The following CDH23 variants were observed in gnomAD, a reference collection of about 807,000 sequenced individuals.
CDH23 encodes the protein cadherin related 23, also known as cadherin-23.
CDH23 carries 189 observed loss-of-function variants against 317.1 expected under a neutral mutation model. The observed-to-expected ratio is 0.60, with a 90% CI of 0.53 to 0.67. The LOEUF is 0.67. CDH23 is among the 30% of genes least tolerant of loss of function. The pLI is 0.00. For missense variants in CDH23, 4,401 were observed against 4,592.4 expected (o/e 0.96, Z 1.20); for synonymous variants, 1,839 against 1,876.8 (o/e 0.98, Z 0.52).
intron 11 of CDH23, among the ~76,000 whole-genome samples, chr10:71,634,467 T>A (rs1191686989): frequency 6.6e-6 from 1 of 152,198 alleles, no homozygotes; most frequent in African/African-American, 2.4e-5. Flanking sequence ...GTGATGAGGT[T>A]CAAATTAGCA....
chr10:71,562,352 G>A (rs998915612), intron 6 of CDH23, among the ~76,000 whole-genome samples: 2 of 152,200 alleles, frequency 1.3e-5, no homozygotes, highest in Non-Finnish European at 2.9e-5. Context: ...ACGTTAATAG[G>A]AGTGTCTGGA....
intron 14 of CDH23, among the ~76,000 whole-genome samples, chr10:71,658,880 A>G (rs1401630110): frequency 1.3e-5 from 2 of 152,182 alleles, no homozygotes; most frequent in African/African-American, 2.4e-5. Context: ...TCCAAAGTCC[A>G]GGGAAAGTGG....
At chr10:71,757,929 C>G (rs1453165965) in intron 38 of CDH23, among the ~76,000 whole-genome samples, 10 of 152,180 alleles carry the variant, frequency 6.6e-5, no homozygotes, top group Admixed American at 5.9e-4. Context: ...AATGCAGGAG[C>G]TCCTTGGGCA....
chr10:71,808,212 C>G (rs989871742), intron 60 of CDH23, among the ~76,000 whole-genome samples: 3 of 152,230 alleles, frequency 2.0e-5, no homozygotes, highest in African/African-American at 7.2e-5. Flanking sequence ...TACCCACCAG[C>G]CCTTTCTTTT....
chr10:71,709,369 G>A (rs908327201), intron 27 of CDH23, among the ~76,000 whole-genome samples, 158 bp downstream of exon 27: 2 of 152,330 alleles, frequency 1.3e-5, no homozygotes, highest in Admixed American at 1.3e-4. Flanking sequence ...AGCACTTGCC[G>A]GGCATGAGGC....
intron 17 of CDH23, among the ~76,000 whole-genome samples, chr10:71,680,080 C>T (rs1448543918): frequency 3.3e-5 from 5 of 152,266 alleles, no homozygotes; most frequent in Admixed American, 6.5e-5. Flanking sequence ...TGGTCTGGCC[C>T]TTGGTTGCCT....
At chr10:71,658,884 A>G (rs893827457) in intron 14 of CDH23, among the ~76,000 whole-genome samples, 1 of 152,154 alleles carries the variant, frequency 6.6e-6, no homozygotes, top group African/African-American at 2.4e-5. Flanking sequence ...AAGTCCAGGG[A>G]AAGTGGGCTT....
At chr10:71,442,664 C>G (rs116494249) in intron 2 of CDH23, among the ~76,000 whole-genome samples, 2,347 of 152,204 alleles carry the variant, frequency 0.015, 57 homozygotes, top group African/African-American at 0.054. Context: ...AGGCAGGAAG[C>G]GAAGGCCTGG....
intron 8 of CDH23, among the ~76,000 whole-genome samples, chr10:71,576,212 T>C (rs1858186495): frequency 1.3e-5 from 2 of 152,194 alleles, no homozygotes; most frequent in African/African-American, 4.8e-5. Flanking sequence ...GTCCCAGGCC[T>C]GGCCTAGCCC....
Position 71,797,321 on chromosome 10 carries a change from C to G in CDH23, c.6829+101C>G, listed in dbSNP as rs1375085793. ...TGGTCTGTCCCCAGGGAGGGAGCAACAAGACCCAGTTGCTCTGGGGGCCAG... is the reference window on the plus strand; with the variant it reads ...TGGTCTGTCCCCAGGGAGGGAGCAAGAAGACCCAGTTGCTCTGGGGGCCAG... On this transcript the variant is annotated intron_variant, in intron 49 of 69. Transcript: ENST00000224721. 12 of 788,046 alleles carry G rather than the reference C, an allele frequency of 1.5e-5. No homozygotes were observed. The African/African-American group carries it at 1.7e-4, about 11-fold the overall frequency. 48.8% of individuals were successfully genotyped at this position (788,046 alleles called of 1,614,324 possible).
intron 3 of CDH23, among the ~76,000 whole-genome samples, chr10:71,452,914 G>A (rs922304702): frequency 3.9e-5 from 6 of 152,152 alleles, no homozygotes; most frequent in African/African-American, 7.2e-5. Flanking sequence ...AACAAGCTGG[G>A]CCTCCATCTC....
At chr10:71,577,003 T>A (rs574281495) in intron 8 of CDH23, among the ~76,000 whole-genome samples, 13 of 152,302 alleles carry the variant, frequency 8.5e-5, no homozygotes, top group African/African-American at 3.1e-4. Flanking sequence ...CCTCTTCATG[T>A]TCTCTCCCTG....
chr10:71,602,948 C>T (rs1860314411), intron 9 of CDH23, among the ~76,000 whole-genome samples: 1 of 152,200 alleles, frequency 6.6e-6, no homozygotes, highest in South Asian at 2.1e-4. Context: ...ATGAGTTCTC[C>T]AGTCGGCTTC....
intron 12 of CDH23, chr10:71,645,536 A>G (rs1862799274): frequency 7.1e-6 from 4 of 563,120 alleles, no homozygotes; most frequent in African/African-American, 1.8e-5. Flanking sequence ...TGGGACAGAG[A>G]AAGGGAGCAG....
intron 1 of CDH23, among the ~76,000 whole-genome samples, chr10:71,405,667 A>G (rs1356669033): frequency 6.6e-6 from 1 of 152,078 alleles, no homozygotes; most frequent in African/African-American, 2.4e-5. Context: ...TGAACTCCTG[A>G]CCTCAGGTGA....
intron 9 of CDH23, among the ~76,000 whole-genome samples, 185 bp downstream of exon 9, chr10:71,578,177 G>A (rs924016399): frequency 1.1e-4 from 16 of 152,306 alleles, no homozygotes; most frequent in Admixed American, 2.0e-4. Flanking sequence ...AAGGCAGGAG[G>A]AACAGGGAGA....
chr10:71,708,948 A>C, intron 26 of CDH23, 150 bp from the exon 27 acceptor site: 1 of 718,546 alleles, frequency 1.4e-6, no homozygotes, highest in Non-Finnish European at 2.5e-6. Context: ...CTGCACCCGC[A>C]TCAGAGCACC....
intron 3 of CDH23, among the ~76,000 whole-genome samples, chr10:71,459,576 C>A (rs951375903): frequency 6.6e-6 from 1 of 152,144 alleles, no homozygotes; most frequent in Non-Finnish European, 1.5e-5. Context: ...TGGTTTGATG[C>A]GTTACTCTTC....
rs371090961 is a variant in CDH23, at chr10:71,793,497, G to A, written c.6569G>A (p.Gly2190Asp). ...AGCGTGCTGGAGTCGGCTGAGCCAG[G>A]CACTGTCATTGCCAATATCACGGCC... is the stretch of plus-strand genomic sequence containing the variant. ...TVSVLESAEP[G>D]TVIANITAID... The change falls in exon 48 of 70, where the codon GGC becomes GAC. Residue 2190 changes from glycine (G) to aspartate (D), a missense_variant. Around this residue, in one of 3 missense-constraint regions of CDH23, gnomAD observed 3,068 missense variants for 3,203.3 expected, o/e 0.96. Transcript: ENST00000224721. 27 of 1,613,958 alleles carry A rather than the reference G, an allele frequency of 1.7e-5. No homozygotes were observed. In the East Asian group the frequency reaches 2.5e-4, roughly 15 times the overall value.
Sources: gnomAD v4.1 joint callset for allele counts (sites outside exome capture counted in the v4.1 genomes callset) on GRCh38, gnomAD v4.1.1 for gene constraint, gnomAD v4.1.1 regional missense constraint, MANE v1.5 for transcripts, NCBI Gene and HGNC (gene_info 2026-07-23, HGNC 2026-07-21) for gene names.